FMN2: variants seen among roughly 807,000 people sequenced by gnomAD.
FMN2 encodes the protein formin 2, also known as formin-2.
Under a neutral mutation model 142.3 loss-of-function variants are expected in FMN2, and 51 were observed. The ratio of observed to expected loss-of-function variants is 0.36; its 90% CI spans 0.29 to 0.45. The LOEUF is 0.45. Ranked by LOEUF, FMN2 falls within the 20% of genes least tolerant of loss-of-function variation. The pLI is 1.00. For missense variants in FMN2, 1,936 were observed against 2,122.8 expected (o/e 0.91, Z 1.73); for synonymous variants, 882 against 869.8 (o/e 1.01, Z -0.25).
intron 15 of FMN2, among the ~76,000 whole-genome samples, chr1:240,433,097 C>CT (rs1247870994): frequency 6.6e-6 from 1 of 151,950 alleles, no homozygotes; most frequent in Non-Finnish European, 1.5e-5. Context: ...CCTCTTTTTC[C>CT]TTTTAGTCCT....
At chr1:240,232,570 CTT>C (rs1033562319) in intron 6 of FMN2, among the ~76,000 whole-genome samples, 1 of 152,196 alleles carries the variant, frequency 6.6e-6, no homozygotes, top group African/African-American at 2.4e-5. Flanking sequence ...AATCTCTACT[CTT>C]TTCTGTATTC....
chr1:240,167,308 G>T (rs1163206664), intron 2 of FMN2, among the ~76,000 whole-genome samples: 1 of 151,200 alleles, frequency 6.6e-6, no homozygotes, highest in Non-Finnish European at 1.5e-5. Flanking sequence ...GGGTGGGGGG[G>T]ACAGAATTTT....
At chr1:240,227,974 C>T (rs1246701612) in intron 6 of FMN2, among the ~76,000 whole-genome samples, 1 of 152,028 alleles carries the variant, frequency 6.6e-6, no homozygotes, top group African/African-American at 2.4e-5. Context: ...ACTCCTACAA[C>T]TCAATAACAA....
intron 8 of FMN2, among the ~76,000 whole-genome samples, chr1:240,326,725 A>G (rs1026759155): frequency 2.1e-5 from 3 of 144,272 alleles, no homozygotes; most frequent in African/African-American, 7.6e-5. Flanking sequence ...TTTTTTTTTT[A>G]TATGAGGTTT....
At chr1:240,410,978 T>G (rs1674367201) in intron 15 of FMN2, among the ~76,000 whole-genome samples, 1 of 152,210 alleles carries the variant, frequency 6.6e-6, no homozygotes, top group Non-Finnish European at 1.5e-5. Context: ...CTTGTGCTGA[T>G]GTATCATTAT....
chr1:240,434,255 C>T (rs1675277737), intron 15 of FMN2, among the ~76,000 whole-genome samples: 1 of 152,082 alleles, frequency 6.6e-6, no homozygotes, highest in African/African-American at 2.4e-5. Flanking sequence ...TAAGGAAGGT[C>T]CTAGGTAAGA....
chr1:240,101,588 G>A (rs923742212), intron 1 of FMN2, among the ~76,000 whole-genome samples: 1 of 151,892 alleles, frequency 6.6e-6, no homozygotes, highest in Non-Finnish European at 1.5e-5. Flanking sequence ...AAGCGGGAGC[G>A]CAGTGGTGTG....
At chr1:240,305,138 T>C (rs769282019) in intron 8 of FMN2, among the ~76,000 whole-genome samples, 12 of 152,206 alleles carry the variant, frequency 7.9e-5, no homozygotes, top group Non-Finnish European at 1.5e-4. Context: ...TCTGATAATA[T>C]GAACATCTGG....
chr1:240,333,942 A>AT lies in FMN2; in HGVS notation c.4641dup (p.Glu1548Ter). 6.2e-7 allele frequency: 1 copy of AT among 1,608,878 alleles called. No homozygotes were observed. Among genetic ancestry groups the AT allele is most frequent in the Non-Finnish European group, 8.5e-7 (1 of 1,177,468 alleles). ...GTTTCGTATTATCTCCGAAATTTTG[A>AT]TGAGGTAAGACAATTTTTACATATA... On this transcript the variant is annotated frameshift_variant, in exon 12 of 18. Transcript: ENST00000319653. LOFTEE classifies it high-confidence loss of function.
chr1:240,441,463 A>G (rs1306969771), intron 16 of FMN2, among the ~76,000 whole-genome samples: 2 of 152,272 alleles, frequency 1.3e-5, no homozygotes, highest in African/African-American at 2.4e-5. Context: ...AAATACTTAA[A>G]ATGGGATACT....
At chr1:240,378,144 T>A (rs1000294775) in intron 14 of FMN2, among the ~76,000 whole-genome samples, 18 of 152,018 alleles carry the variant, frequency 1.2e-4, no homozygotes, top group African/African-American at 2.9e-4. Flanking sequence ...TTCTTTTTTT[T>A]ATTTTTTATT....
At position 240,092,060 on chromosome 1, in the gene FMN2, G is replaced by A. The variant is rs1660990083; in HGVS notation, c.-50G>A. ...CCCGGACCTGGGGCCGAGGAGGGCCGGGATGGCCTGAGTGCCCGCGGCGCG... is the reference window on the plus strand; with the variant it reads ...CCCGGACCTGGGGCCGAGGAGGGCCAGGATGGCCTGAGTGCCCGCGGCGCG... On this transcript the variant is annotated 5_prime_UTR_variant, in exon 1 of 18. Coordinates refer to ENST00000319653, the MANE Select transcript of FMN2 (RefSeq NM_020066.5). 2 of 1,515,538 alleles carry A rather than the reference G, an allele frequency of 1.3e-6. No individual in the cohort carries two copies. Among genetic ancestry groups the A allele is most frequent in the East Asian group, 2.5e-5 (1 of 40,740 alleles). 93.9% of individuals were successfully genotyped at this position (1,515,538 alleles called of 1,614,324 possible).
At chr1:240,188,695 G>T (rs1365865609) in intron 4 of FMN2, among the ~76,000 whole-genome samples, 1 of 152,146 alleles carries the variant, frequency 6.6e-6, no homozygotes, top group South Asian at 2.1e-4. Flanking sequence ...ATTAGTATCT[G>T]TTTAATTTCC....
At chr1:240,229,693 T>A (rs769914083) in intron 6 of FMN2, among the ~76,000 whole-genome samples, 1 of 134,826 alleles carries the variant, frequency 7.4e-6, no homozygotes, top group Non-Finnish European at 1.6e-5. Flanking sequence ...AGTCTCAGAC[T>A]GGAGTGCCAG....
At chr1:240,118,248 G>T (rs1662101302) in intron 1 of FMN2, among the ~76,000 whole-genome samples, 1 of 152,188 alleles carries the variant, frequency 6.6e-6, no homozygotes. Flanking sequence ...GTGAGGTGAA[G>T]AATGCAAGTT....
intron 4 of FMN2, among the ~76,000 whole-genome samples, chr1:240,192,866 A>G (rs1329727754): frequency 6.6e-6 from 1 of 151,842 alleles, no homozygotes; most frequent in East Asian, 1.9e-4. Flanking sequence ...TGTGGGAATA[A>G]TTTTTATTCT....
chr1:240,210,006 C>G (rs902577176), intron 5 of FMN2, among the ~76,000 whole-genome samples: 2 of 152,184 alleles, frequency 1.3e-5, no homozygotes, highest in African/African-American at 4.8e-5. Flanking sequence ...CACAAAAATA[C>G]ACATATCCAT....
chr1:240,150,972 C>T (rs955799275), intron 2 of FMN2, among the ~76,000 whole-genome samples: 2 of 152,172 alleles, frequency 1.3e-5, no homozygotes, highest in African/African-American at 4.8e-5. Context: ...GTAACCTTCC[C>T]TATATCCATA....
intron 15 of FMN2, among the ~76,000 whole-genome samples, chr1:240,424,739 A>G (rs1674880312): frequency 1.3e-5 from 2 of 152,196 alleles, no homozygotes; most frequent in Admixed American, 1.3e-4. Flanking sequence ...ACAAAGCTCA[A>G]AAAAGTTATG....
Sources: allele counts gnomAD v4.1 joint callset (sites outside exome capture counted in the v4.1 genomes callset), GRCh38; gene constraint gnomAD v4.1.1; transcripts MANE v1.5; gene names NCBI Gene and HGNC (gene_info 2026-07-23, HGNC 2026-07-21).